HECW2: variants seen among roughly 807,000 people sequenced by gnomAD.
HECW2 encodes HECT, C2 and WW domain containing E3 ubiquitin protein ligase 2.
A neutral mutation model predicts 175.2 loss-of-function variants in HECW2; 61 were observed. That is an observed-to-expected ratio of 0.35 (90% CI 0.28 to 0.43). The LOEUF is 0.43. Ranked by LOEUF, HECW2 falls within the 20% of genes least tolerant of loss-of-function variation. HECW2 has a pLI of 1.00. For synonymous variants in HECW2, 671 were observed against 731.0 expected (o/e 0.92, Z 1.32); for missense variants, 1,524 against 2,000.5 (o/e 0.76, Z 4.54).
At chr2:196,537,350 T>C (rs1483114113) in intron 1 of HECW2, among the ~76,000 whole-genome samples, 2 of 152,012 alleles carry the variant, frequency 1.3e-5, no homozygotes, top group Non-Finnish European at 2.9e-5. Context: ...TGGAAGCCAA[T>C]AGATCCAAGA....
intron 10 of HECW2, among the ~76,000 whole-genome samples, chr2:196,313,810 G>A (rs1013125506): frequency 2.0e-5 from 3 of 152,164 alleles, no homozygotes; most frequent in Admixed American, 6.5e-5. Flanking sequence ...CCAGCACTTT[G>A]GGAGGCCAAG....
chr2:196,369,342 GTCTCTCTCTCTCTCTC>G (rs71410611), intron 2 of HECW2, among the ~76,000 whole-genome samples: 32 of 131,556 alleles, frequency 2.4e-4, no homozygotes, highest in Admixed American at 7.5e-4. Flanking sequence ...AACAAATGGA[GTCTCTCTCTCTCTCTC>G]TCTCTCTCTC....
At chr2:196,546,979 G>A (rs990865551) in intron 1 of HECW2, among the ~76,000 whole-genome samples, 15 of 152,232 alleles carry the variant, frequency 9.9e-5, no homozygotes, top group African/African-American at 2.6e-4. Context: ...AGTAAGCATC[G>A]GGAAAGTATG....
chr2:196,300,691 T>C (rs570245776), intron 13 of HECW2, among the ~76,000 whole-genome samples: 63 of 151,140 alleles, frequency 4.2e-4, no homozygotes, highest in African/African-American at 1.4e-3. Flanking sequence ...TCTATATCTA[T>C]ATCTATACAC....
intron 3 of HECW2, among the ~76,000 whole-genome samples, chr2:196,343,086 G>A (rs62187063): frequency 2.0e-3 from 304 of 151,398 alleles, no homozygotes; most frequent in African/African-American, 6.8e-3. Flanking sequence ...GTGTGTGTGT[G>A]TATATACATA....
intron 19 of HECW2, chr2:196,242,926 C>T (rs1688513546): frequency 2.6e-5 from 4 of 152,050 alleles, no homozygotes; most frequent in Admixed American, 2.6e-4. Flanking sequence ...CTCCTGACCT[C>T]AGGTGATCCA....
chr2:196,211,644 A>G (rs1687288999), intron 28 of HECW2, among the ~76,000 whole-genome samples: 1 of 152,198 alleles, frequency 6.6e-6, no homozygotes, highest in Non-Finnish European at 1.5e-5. Context: ...TGAGACTAGG[A>G]AATCTGAGAA....
chr2:196,427,539 T>A lies in HECW2; in HGVS notation c.292+5593A>T, dbSNP rs570032063. Reference sequence around the variant, plus strand: ...TAAACTGTTTCCATCTGATTCTTCATGGAAAGCTGTTTGTGTTGGATGACC... The same window carrying A: ...TAAACTGTTTCCATCTGATTCTTCAAGGAAAGCTGTTTGTGTTGGATGACC... On this transcript the variant is annotated intron_variant, in intron 2 of 28. Coordinates refer to ENST00000644978, the MANE Select transcript of HECW2 (RefSeq NM_001348768.2). Among the ~76,000 whole-genome samples the A allele has an allele frequency of 4.6e-5, 7 of 152,296 alleles. 1 individual carries two copies. In the South Asian group the frequency reaches 1.4e-3, roughly 32 times the overall value.
At chr2:196,351,191 A>T (rs1528401) in intron 2 of HECW2, among the ~76,000 whole-genome samples, 147,090 of 151,422 alleles carry the variant, frequency 0.97, 71,526 homozygotes, top group East Asian at 1. Context: ...CTTTTTTTTT[A>T]AAAAAAATGA....
At chr2:196,217,869 T>A (rs937565899) in intron 26 of HECW2, 1 of 152,212 alleles carries the variant, frequency 6.6e-6, no homozygotes, top group African/African-American at 2.4e-5. Flanking sequence ...TGAATAGACA[T>A]AGTTAATGGG....
chr2:196,384,211 A>C (rs985402209), intron 2 of HECW2, among the ~76,000 whole-genome samples: 2 of 152,092 alleles, frequency 1.3e-5, no homozygotes, highest in African/African-American at 4.8e-5. Flanking sequence ...AGCCCTTTCC[A>C]TGGGCTTTAA....
At chr2:196,521,781 T>C (rs1448270106) in intron 1 of HECW2, among the ~76,000 whole-genome samples, 12 of 150,196 alleles carry the variant, frequency 8.0e-5, no homozygotes, top group African/African-American at 2.7e-4. Flanking sequence ...TGATTTCCAA[T>C]TTCATCCATG....
intron 1 of HECW2, among the ~76,000 whole-genome samples, chr2:196,589,160 CT>C: frequency 6.6e-6 from 1 of 152,278 alleles, no homozygotes; most frequent in Non-Finnish European, 1.5e-5. Flanking sequence ...GATTGCACCA[CT>C]GCACTCCAGT....
At chr2:196,300,050 T>C (rs1019044372) in intron 13 of HECW2, among the ~76,000 whole-genome samples, 4 of 152,132 alleles carry the variant, frequency 2.6e-5, no homozygotes, top group Non-Finnish European at 4.4e-5. Context: ...AGAGAGAAGT[T>C]AGAACTCTGT....
intron 19 of HECW2, among the ~76,000 whole-genome samples, chr2:196,251,961 G>A (rs1426254433): frequency 6.6e-6 from 1 of 152,000 alleles, no homozygotes; most frequent in Non-Finnish European, 1.5e-5. Context: ...CACTTTGGGA[G>A]GCCGAGGCAG....
chr2:196,294,875 G>T (rs1690746859), intron 13 of HECW2, among the ~76,000 whole-genome samples: 1 of 152,184 alleles, frequency 6.6e-6, no homozygotes, highest in Non-Finnish European at 1.5e-5. Context: ...CTTGGAATGA[G>T]AAGTAATCCT....
At position 196,449,102 on chromosome 2, in the gene HECW2, T is replaced by G. The variant is rs562995193; in HGVS notation, c.-35-15644A>C. Among the ~76,000 whole-genome samples the G allele has an allele frequency of 9.9e-5, 15 of 152,248 alleles. No individual in the cohort carries two copies. The South Asian group carries it at 3.1e-3, about 32-fold the overall frequency. On this transcript the variant is annotated intron_variant, in intron 1 of 28. Transcript: ENST00000644978. The stretch of plus-strand genomic sequence containing the variant: ...GTGTTAAAAAGGAAGATGGTGATGG[T>G]CTCTTAGCCTAAAGATATGGGGAAA...
chr2:196,585,190 T>G (rs7570397), intron 1 of HECW2, among the ~76,000 whole-genome samples: 123,079 of 152,192 alleles, frequency 0.81, 50,195 homozygotes, highest in East Asian at 0.95. Flanking sequence ...TTTGCAATTA[T>G]ATACTTATTT....
At chr2:196,235,482 C>A (rs1688212443) in intron 21 of HECW2, among the ~76,000 whole-genome samples, 1 of 151,912 alleles carries the variant, frequency 6.6e-6, no homozygotes, top group African/African-American at 2.4e-5. Context: ...TGCAGCCATC[C>A]TGTAAATTTC....
Sources: allele counts gnomAD v4.1 joint callset (sites outside exome capture counted in the v4.1 genomes callset), GRCh38; gene constraint gnomAD v4.1.1; transcripts MANE v1.5; gene names NCBI Gene and HGNC (gene_info 2026-07-23, HGNC 2026-07-21).